FDPS: variants seen among roughly 807,000 people sequenced by gnomAD.
FDPS encodes farnesyl pyrophosphate synthase.
FDPS carries 29 observed loss-of-function variants against 49.5 expected under a neutral mutation model. That is an observed-to-expected ratio of 0.59 (90% CI 0.44 to 0.80). The LOEUF (loss-of-function observed/expected upper bound fraction) is 0.80. Among genes scored for constraint, FDPS ranks in the 30% least tolerant of loss-of-function variants. FDPS has a pLI of 0.00. For missense variants in FDPS, 414 were observed against 525.6 expected (o/e 0.79, Z 2.08); for synonymous variants, 172 against 206.4 (o/e 0.83, Z 1.43).
At position 155,318,039 on chromosome 1, in the gene FDPS, A is replaced by G; in HGVS notation, c.561+18A>G. 1 of 1,613,764 alleles carries G rather than the reference A, an allele frequency of 6.2e-7. No individual in the cohort carries two copies. The highest frequency in any genetic ancestry group is 8.5e-7 in the Non-Finnish European group (1 of 1,179,722). On this transcript the variant is annotated intron_variant, in intron 5 of 10. Transcript: ENST00000368356. The surrounding 1 kb of genome is among the most constrained non-coding windows in gnomAD (Gnocchi z 4.2). ...ATCAGAAGGTAATGTGGGCAGGAAAATAGCAGTGGGTATGGGGACAGGCCA... is the reference window on the plus strand; with the variant it reads ...ATCAGAAGGTAATGTGGGCAGGAAAGTAGCAGTGGGTATGGGGACAGGCCA...
rs112767692 is a variant in FDPS at position 155,318,171 on chromosome 1, G to A, written c.564G>A (p.Pro188=). 2.9e-4 allele frequency: 476 copies of A among 1,614,074 alleles called. 3 individuals carry two copies. In the African/African-American group the frequency reaches 4.6e-3, roughly 16 times the overall value. Residue 188 remains proline, a splice_region_variant and synonymous_variant, in exon 6 of 11, where the codon CCG becomes CCA. Coordinates refer to ENST00000368356, the MANE Select transcript of FDPS (RefSeq NM_002004.4). The surrounding 1 kb of genome is among the most constrained non-coding windows in gnomAD (Gnocchi z 4.2). ...RRGQICWYQK[P]GVGLDAINDA... ...TGTTTTTCTGTCTGTCATGACAGCC[G>A]GGCGTGGGTTTGGATGCCATCAATG...
chr1:155,318,846 C>G lies in FDPS; in HGVS notation c.774-10C>G. ...CCCTCCTGAGGAGTTTCTCTTCTCC[C>G]CTTACTCAGGTACAAATCTATTGTC... On this transcript the variant is annotated splice_polypyrimidine_tract_variant and intron_variant, in intron 7 of 10. Transcript: ENST00000368356. This position sits in a 1 kb window ranked among gnomAD's most constrained non-coding sequence, Gnocchi z 4.2. 1 of 1,610,542 alleles carries G rather than the reference C, an allele frequency of 6.2e-7. No homozygotes were observed. The highest frequency in any genetic ancestry group is 1.1e-5 in the South Asian group (1 of 90,992).
chr1:155,310,530 C>G (rs1048699666), intron 3 of FDPS: 8 of 250,296 alleles, frequency 3.2e-5, no homozygotes, highest in Non-Finnish European at 6.3e-5. Flanking sequence ...AGGCTGGTCT[C>G]GAACTCCTGA....
At chr1:155,319,017 C>A in intron 8 of FDPS, 89 bp downstream of exon 8, 1 of 951,390 alleles carries the variant, frequency 1.1e-6, no homozygotes, top group Non-Finnish European at 1.7e-6. Flanking sequence ...CACTGCTACC[C>A]CTGGTGAAAA....
At position 155,319,864 on chromosome 1, in the gene FDPS, A is replaced by G; in HGVS notation, c.995A>G (p.Lys332Arg). 1 of 1,614,102 alleles carries G rather than the reference A, an allele frequency of 6.2e-7. No homozygotes were observed. Among genetic ancestry groups the G allele is most frequent in the Non-Finnish European group, 8.5e-7 (1 of 1,180,012 alleles). Residue 332 changes from lysine (K) to arginine (R), a missense_variant, in exon 10 of 11, where the codon AAA becomes AGA. Lys to Arg is a conservative substitution (Grantham distance 26). Coordinates refer to ENST00000368356, the MANE Select transcript of FDPS (RefSeq NM_002004.4). The part of the protein sequence containing the change: ...GKIGTDIQDN[K>R]CSWLVVQCLQ... ...ATTGGCACTGACATCCAGGACAACA[A>G]ATGCAGCTGGCTGGTGGTTCAGTGT...
intron 3 of FDPS, 55 bp downstream of exon 3, chr1:155,310,260 G>C: frequency 6.4e-7 from 1 of 1,559,064 alleles, no homozygotes; most frequent in Non-Finnish European, 8.8e-7. Context: ...CTCTGTACCT[G>C]TGTGGCATTC....
At chr1:155,320,027 A>G (rs1650120137) in intron 10 of FDPS, 99 bp downstream of exon 10, 1 of 1,388,996 alleles carries the variant, frequency 7.2e-7, no homozygotes, top group African/African-American at 1.4e-5. Context: ...ACATTTGGCA[A>G]TGTCAGCAGA....
At chr1:155,320,331 G>A in intron 10 of FDPS, 78 bp from the exon 11 acceptor site, 2 of 1,187,632 alleles carry the variant, frequency 1.7e-6, no homozygotes, top group South Asian at 1.3e-5. Flanking sequence ...TCTGGAATAT[G>A]TGAATGAGGG....
intron 3 of FDPS, among the ~76,000 whole-genome samples, chr1:155,310,817 G>A (rs990638890): frequency 6.6e-6 from 1 of 152,138 alleles, no homozygotes; most frequent in Admixed American, 6.6e-5. Context: ...GGCAGAGACC[G>A]GGGAAGAAGG....
intron 10 of FDPS, 154 bp downstream of exon 10, chr1:155,320,082 T>A: frequency 1.2e-6 from 1 of 860,432 alleles, no homozygotes; most frequent in Non-Finnish European, 1.8e-6. Context: ...GTGCATGTGG[T>A]ACAGACATCT....
chr1:155,314,023 T>C (rs1384508569), intron 4 of FDPS, among the ~76,000 whole-genome samples: 4 of 151,996 alleles, frequency 2.6e-5, no homozygotes, highest in Non-Finnish European at 5.9e-5. Context: ...TTCACCATAT[T>C]GGTCAGGCTG....
rs1022118217 is a variant in FDPS at position 155,317,685 on chromosome 1, A to T, written c.481-256A>T. 1.7e-4 allele frequency: 31 copies of T among 186,646 alleles called. 1 individual carries two copies. In the East Asian group the frequency reaches 2.4e-3, roughly 14 times the overall value. The allele number at this position is 186,646 out of a possible 1,614,324, so 11.6% of individuals were successfully genotyped here. On this transcript the variant is annotated intron_variant, in intron 4 of 10. Coordinates refer to ENST00000368356, the MANE Select transcript of FDPS (RefSeq NM_002004.4). ...ACCCTGTCTCTACAAAAAATAAATT[A>T]AAAAAAAAAAATAGCCAGGCATGGG...
chr1:155,319,278 ATTTCCT>A (rs778100025), intron 8 of FDPS, among the ~76,000 whole-genome samples: 3 of 152,318 alleles, frequency 2.0e-5, no homozygotes, highest in Non-Finnish European at 4.4e-5. Context: ...GCTTCTCTAC[ATTTCCT>A]TTTCATCTTG....
chr1:155,316,618 A>G (rs1442360325), intron 4 of FDPS, among the ~76,000 whole-genome samples: 1 of 152,036 alleles, frequency 6.6e-6, no homozygotes, highest in African/African-American at 2.4e-5. Context: ...TCTCTACTGA[A>G]TGAAAATACA....
At chr1:155,309,699 G>A in intron 1 of FDPS, 90 bp from the exon 2 acceptor site, 1 of 1,190,416 alleles carries the variant, frequency 8.4e-7, no homozygotes, top group African/African-American at 1.5e-5. Flanking sequence ...GCTGGGGTGG[G>A]AGTTATCTGG....
rs1265519288 is a variant in FDPS, at chr1:155,318,939, C to T, written c.846+11C>T. On this transcript the variant is annotated intron_variant, in intron 8 of 10. Transcript: ENST00000368356. This position sits in a 1 kb window ranked among gnomAD's most constrained non-coding sequence, Gnocchi z 4.2. The stretch of plus-strand genomic sequence containing the variant: ...GCAGCCATGTACATGGTGAGTGAGC[C>T]TCCTCACCCCTCTCTGCTCTGCTGA... 6.3e-7 allele frequency: 1 copy of T among 1,587,512 alleles called. No homozygotes were observed. The highest frequency in any genetic ancestry group is 1.1e-5 in the South Asian group (1 of 90,534).
intron 4 of FDPS, chr1:155,317,701 C>A: frequency 5.5e-6 from 2 of 366,682 alleles, no homozygotes; most frequent in East Asian, 4.5e-5. Context: ...AAAAAATAGC[C>A]AGGCATGGGG....
intron 4 of FDPS, among the ~76,000 whole-genome samples, chr1:155,314,081 C>T (rs1019062474): frequency 5.3e-5 from 8 of 152,002 alleles, no homozygotes; most frequent in Admixed American, 2.6e-4. Flanking sequence ...CCTCCTAAAG[C>T]GCTGGGATTA....
chr1:155,319,906 C>T lies in FDPS; in HGVS notation c.1037C>T (p.Pro346Leu). Residue 346 changes from proline (P) to leucine (L), a missense_variant, in exon 10 of 11, where the codon CCA becomes CTA. Transcript: ENST00000368356. ...LVVQCLQRATPEQYQILKENY... is the reference protein window; with the variant it reads ...LVVQCLQRATLEQYQILKENY... ...GTTCAGTGTCTGCAACGGGCCACTC[C>T]AGAACAGTACCAGATCCTGAAGGTG... is the stretch of plus-strand genomic sequence containing the variant. 1 of 1,614,144 alleles carries T rather than the reference C, an allele frequency of 6.2e-7. No homozygotes were observed. The highest frequency in any genetic ancestry group is 8.5e-7 in the Non-Finnish European group (1 of 1,179,992).
Sources: allele counts gnomAD v4.1 joint callset (sites outside exome capture counted in the v4.1 genomes callset), GRCh38; gene constraint gnomAD v4.1.1; non-coding constraint Gnocchi (gnomAD v3.1); transcripts MANE v1.5; gene names NCBI Gene and HGNC (gene_info 2026-07-23, HGNC 2026-07-21).